The following CLTC variants were observed in gnomAD, a reference collection of about 807,000 sequenced individuals.
CLTC encodes clathrin heavy chain 1.
In CLTC, 16 loss-of-function variants were observed where a neutral mutation model predicts 195.8. The ratio of observed to expected loss-of-function variants is 0.08; its 90% CI spans 0.06 to 0.12. The LOEUF (loss-of-function observed/expected upper bound fraction) is 0.12. Among genes scored for constraint, CLTC ranks in the 10% least tolerant of loss-of-function variants. The pLI is 1.00. For missense variants in CLTC, 796 were observed against 2,027.0 expected, an observed-to-expected ratio of 0.39 and a Z score of 11.66; for synonymous variants, 667 against 689.4, an observed-to-expected ratio of 0.97 and a Z score of 0.51.
chr17:59,662,297 A>T (rs1185658845), intron 8 of CLTC, among the ~76,000 whole-genome samples: 1 of 152,116 alleles, frequency 6.6e-6, no homozygotes, highest in African/African-American at 2.4e-5. Context: ...GGTCTTCTCC[A>T]TGCCTTTTAT....
At chr17:59,630,466 G>A (rs2031680202) in intron 1 of CLTC, among the ~76,000 whole-genome samples, 1 of 152,178 alleles carries the variant, frequency 6.6e-6, no homozygotes, top group Admixed American at 6.5e-5. Context: ...GAACAATTTA[G>A]TGGTATTTAG....
At chr17:59,676,081 C>G (rs1400979600) in intron 16 of CLTC, among the ~76,000 whole-genome samples, 1 of 152,158 alleles carries the variant, frequency 6.6e-6, no homozygotes, top group Non-Finnish European at 1.5e-5. Context: ...TGGCTTGTGC[C>G]TGTAGTCCCA....
At chr17:59,674,337 C>T (rs867378952) in intron 15 of CLTC, among the ~76,000 whole-genome samples, 1 of 152,072 alleles carries the variant, frequency 6.6e-6, no homozygotes, top group Admixed American at 6.6e-5. Flanking sequence ...TAGAAACAGG[C>T]AGTATTGCTA....
intron 17 of CLTC, among the ~76,000 whole-genome samples, chr17:59,678,090 A>C (rs979197061): frequency 6.6e-6 from 1 of 152,170 alleles, no homozygotes; most frequent in Non-Finnish European, 1.5e-5. Flanking sequence ...CTTTTTAAAA[A>C]ACAGAATGTG....
At chr17:59,660,345 A>G in intron 6 of CLTC, 46 bp from the exon 7 acceptor site, 1 of 1,532,210 alleles carries the variant, frequency 6.5e-7, no homozygotes, top group Non-Finnish European at 9.0e-7. Flanking sequence ...TATCATTTGT[A>G]TCCAAATGAA....
chr17:59,632,416 G>C (rs1315847510), intron 1 of CLTC, among the ~76,000 whole-genome samples: 1 of 147,894 alleles, frequency 6.8e-6, no homozygotes, highest in Non-Finnish European at 1.5e-5. Context: ...TGGAATGGAA[G>C]CTCTTTTCAA....
intron 14 of CLTC, among the ~76,000 whole-genome samples, chr17:59,670,259 G>C (rs1029955732): frequency 7.8e-6 from 1 of 127,772 alleles, no homozygotes; most frequent in Admixed American, 8.6e-5. Flanking sequence ...AGATTCTTTT[G>C]GGGGCAGGGG....
chr17:59,653,962 G>A (rs562301044), intron 5 of CLTC, among the ~76,000 whole-genome samples: 1 of 150,956 alleles, frequency 6.6e-6, no homozygotes, highest in South Asian at 2.1e-4. Flanking sequence ...TAGTAGAGTT[G>A]GGGTTTCGCC....
intron 1 of CLTC, among the ~76,000 whole-genome samples, chr17:59,624,454 C>CTTTTTTTTT (rs5821272): frequency 3.1e-5 from 3 of 98,140 alleles, no homozygotes; most frequent in Admixed American, 1.1e-4. Flanking sequence ...GAGCCACATA[C>CTTTTTTTTT]TTTTTTTTTT....
At chr17:59,658,593 G>A (rs760243797) in intron 6 of CLTC, 1 of 152,114 alleles carries the variant, frequency 6.6e-6, no homozygotes, top group Non-Finnish European at 1.5e-5. Flanking sequence ...GGCTTCTATG[G>A]GTTGAAAAAG....
At chr17:59,661,827 G>C (rs996721706) in intron 8 of CLTC, among the ~76,000 whole-genome samples, 184 bp downstream of exon 8, 3 of 152,064 alleles carry the variant, frequency 2.0e-5, no homozygotes, top group African/African-American at 7.2e-5. Context: ...TTTTCGCCGG[G>C]CATGGTGGCT....
chr17:59,629,057 A>G (rs1598200982), intron 1 of CLTC, among the ~76,000 whole-genome samples: 1 of 152,170 alleles, frequency 6.6e-6, no homozygotes, highest in African/African-American at 2.4e-5. Flanking sequence ...CTGTCAGTAT[A>G]TATGCTCTGC....
chr17:59,628,887 C>T (rs953177640), intron 1 of CLTC, among the ~76,000 whole-genome samples: 9 of 152,108 alleles, frequency 5.9e-5, no homozygotes. Context: ...GTCTCAAACT[C>T]CTGACCTCAA....
intron 8 of CLTC, among the ~76,000 whole-genome samples, chr17:59,662,552 T>G (rs1361663187): frequency 6.6e-6 from 1 of 152,210 alleles, no homozygotes. Flanking sequence ...GTAGTATTGT[T>G]TAAAGCACTC....
chr17:59,664,751 CTT>C, intron 9 of CLTC, 34 bp from the exon 10 acceptor site: 1 of 1,596,596 alleles, frequency 6.3e-7, no homozygotes, highest in Non-Finnish European at 8.6e-7. Context: ...AAAATTGAAA[CTT>C]AGGAGCAGCG....
At chr17:59,658,540 A>G (rs1379917655) in intron 6 of CLTC, 3 of 152,244 alleles carry the variant, frequency 2.0e-5, no homozygotes, top group Admixed American at 2.0e-4. Context: ...ACTCTTTGCT[A>G]AAGTCTACCA....
intron 1 of CLTC, among the ~76,000 whole-genome samples, chr17:59,631,226 G>A (rs887853495): frequency 6.6e-6 from 1 of 152,142 alleles, no homozygotes; most frequent in Non-Finnish European, 1.5e-5. Context: ...CTGAGACACT[G>A]CATATACCCC....
At position 59,619,949 on chromosome 17, in the gene CLTC, C is replaced by T. The variant is rs1208162420; in HGVS notation, c.-183C>T. On this transcript the variant is annotated 5_prime_UTR_variant, in exon 1 of 32. Coordinates refer to ENST00000269122, the MANE Select transcript of CLTC (RefSeq NM_004859.4). ...GTTCCGCCATTGCGGCTCTCCTGGC[C>T]CCTGGAGCCTCCGCCCCCGACCCGA... is the stretch of plus-strand genomic sequence containing the variant. The T allele has an allele frequency of 8.4e-6, 5 of 596,130 alleles. No homozygotes were observed. Among genetic ancestry groups the T allele is most frequent in the African/African-American group, 3.7e-5 (2 of 53,856 alleles). 36.9% of individuals were successfully genotyped at this position (596,130 alleles called of 1,614,324 possible).
At chr17:59,637,441 T>G (rs1441456545) in intron 1 of CLTC, among the ~76,000 whole-genome samples, 1 of 151,204 alleles carries the variant, frequency 6.6e-6, no homozygotes, top group Non-Finnish European at 1.5e-5. Flanking sequence ...AGACGGGGTT[T>G]CACTGTGTTA....
Sources: gnomAD v4.1 joint callset for allele counts (sites outside exome capture counted in the v4.1 genomes callset) on GRCh38, gnomAD v4.1.1 for gene constraint, MANE v1.5 for transcripts, NCBI Gene and HGNC (gene_info 2026-07-23, HGNC 2026-07-21) for gene names.